The following ERICH3 variants were observed in gnomAD, a reference collection of about 807,000 sequenced individuals.
The protein encoded by ERICH3 is glutamate rich 3.
A neutral mutation model predicts 131.1 loss-of-function variants in ERICH3; 126 were observed. The observed-to-expected ratio is 0.96, with a 90% CI of 0.83 to 1.11. ERICH3 has a LOEUF of 1.11. ERICH3 is among the 50% of genes most tolerant of loss of function. The pLI is 0.00. For synonymous variants in ERICH3, 695 were observed against 644.6 expected, an observed-to-expected ratio of 1.08 and a Z score of -1.18; for missense variants, 2,050 against 1,810.7, an observed-to-expected ratio of 1.13 and a Z score of -2.40.
At chr1:74,671,148 C>T (rs572977112) in intron 1 of ERICH3, among the ~76,000 whole-genome samples, 1 of 151,788 alleles carries the variant, frequency 6.6e-6, no homozygotes, top group African/African-American at 2.4e-5. Flanking sequence ...ATCAGTAGTT[C>T]TGCTTTTGCC....
At chr1:74,669,249 AAACT>A (rs1437050649) in intron 1 of ERICH3, among the ~76,000 whole-genome samples, 3 of 152,178 alleles carry the variant, frequency 2.0e-5, no homozygotes, top group Non-Finnish European at 2.9e-5. Context: ...TAATAAGCCT[AAACT>A]AACAAAAAAT....
chr1:74,642,896 A>G (rs548179896), intron 4 of ERICH3, 131 bp downstream of exon 4: 7 of 630,996 alleles, frequency 1.1e-5, no homozygotes, highest in Non-Finnish European at 1.9e-5. Context: ...GGCTTGGTGA[A>G]CCATCATTGA....
At chr1:74,649,640 G>C (rs1443023467) in intron 1 of ERICH3, among the ~76,000 whole-genome samples, 2 of 152,096 alleles carry the variant, frequency 1.3e-5, no homozygotes, top group Admixed American at 1.3e-4. Flanking sequence ...AGCTCCATTT[G>C]TCAAAAAGGG....
intron 8 of ERICH3, among the ~76,000 whole-genome samples, chr1:74,614,151 A>G (rs1258636816): frequency 2.0e-5 from 3 of 152,134 alleles, no homozygotes; most frequent in Admixed American, 1.3e-4. Context: ...GGTGATGCTG[A>G]TGCTATTGGT....
chr1:74,613,799 A>C (rs537811911), intron 8 of ERICH3, among the ~76,000 whole-genome samples: 4 of 152,130 alleles, frequency 2.6e-5, no homozygotes, highest in Non-Finnish European at 5.9e-5. Context: ...GGGAAACCTT[A>C]TTCTCTGCAG....
In ERICH3 at chr1:74,571,163, C is replaced by A; in HGVS notation, c.4547G>T (p.Gly1516Val). 1 of 1,614,104 alleles carries A rather than the reference C, an allele frequency of 6.2e-7. No individual in the cohort carries two copies. The highest frequency in any genetic ancestry group is 8.5e-7 in the Non-Finnish European group (1 of 1,180,008). Reference protein sequence around the residue: ...TREKQQHMVQGESETADVSPN... With the variant: ...TREKQQHMVQVESETADVSPN... ...GGAAACATCTGCAGTCTCGCTTTCT[C>A]CTTGCACCATATGCTGTTGCTTCTC... is the stretch of plus-strand genomic sequence containing the variant. The change falls in exon 14 of 15, where the codon GGA becomes GTA. Residue 1516 changes from glycine to valine, a missense_variant. Transcript: ENST00000326665.
In ERICH3 at chr1:74,572,127, C is replaced by G. The variant is rs1282343197; in HGVS notation, c.3583G>C (p.Glu1195Gln). 3.1e-6 allele frequency: 5 copies of G among 1,614,108 alleles called. No individual in the cohort carries two copies. Among genetic ancestry groups the G allele is most frequent in the South Asian group, 1.1e-5 (1 of 91,094 alleles). ...GCCCTATTCTCCCTGCTGGACAGCT[C>G]TTCTCTGTCTTTGTGCTCTGTGTCT... ...ARDTEHKDRE[E>Q]LSSRENRALK... Residue 1195 changes from glutamate to glutamine, a missense_variant, in exon 14 of 15, where the codon GAG (glutamate) becomes CAG (glutamine). By Grantham distance (29) the Glu-to-Gln change is conservative. Coordinates refer to ENST00000326665, the MANE Select transcript of ERICH3 (RefSeq NM_001002912.5).
chr1:74,607,763 G>T (rs1376569720), intron 9 of ERICH3, among the ~76,000 whole-genome samples: 2 of 151,786 alleles, frequency 1.3e-5, no homozygotes, highest in Non-Finnish European at 2.9e-5. Flanking sequence ...AAAGTAATAT[G>T]AATAAATTGT....
chr1:74,612,872 C>T, intron 8 of ERICH3, 63 bp from the exon 9 acceptor site: 2 of 1,373,968 alleles, frequency 1.5e-6, no homozygotes, highest in Non-Finnish European at 2.0e-6. Flanking sequence ...TCTGTTAAAT[C>T]ATGTTTTTCT....
chr1:74,573,458 G>T lies in ERICH3; in HGVS notation c.2252C>A (p.Ala751Glu). The change falls in exon 14 of 15, where the codon GCA becomes GAA. Residue 751 changes from alanine to glutamate, a missense_variant. Transcript: ENST00000326665. ...PTMNFMVDET[A>E]AINSNKESQQ... is the part of the protein sequence containing the mutation. ...GGATTCCTTGTTTGAGTTGATTGCTGCTGTTTCATCCACCATGAAATTCAT... is the reference window on the plus strand; with the variant it reads ...GGATTCCTTGTTTGAGTTGATTGCTTCTGTTTCATCCACCATGAAATTCAT... The T allele has an allele frequency of 6.5e-7, 1 of 1,536,748 alleles. No homozygotes were observed. The highest frequency in any genetic ancestry group is 8.7e-7 in the Non-Finnish European group (1 of 1,146,666).
In ERICH3 at chr1:74,599,689, A is replaced by G. The variant is rs779009979; in HGVS notation, c.1726+6T>C. On this transcript the variant is annotated splice_donor_region_variant and intron_variant, in intron 11 of 14. Transcript: ENST00000326665. ...CCTATGTTACATGATAAGCTGAACA[A>G]CTCGCCTTGTTTATCCTCTTCCAGT... 2 of 1,595,614 alleles carry G rather than the reference A, an allele frequency of 1.3e-6. No homozygotes were observed. The highest frequency in any genetic ancestry group is 1.1e-5 in the South Asian group (1 of 88,086).
rs778165106 is a variant in ERICH3, at chr1:74,568,551, G to A, written c.*1907C>T. The A allele has an allele frequency of 6.6e-6, 1 of 152,136 alleles. No individual in the cohort carries two copies. The highest frequency in any genetic ancestry group is 1.5e-5 in the Non-Finnish European group (1 of 67,980). The allele number at this position is 152,136 out of a possible 1,614,324, so 9.4% of individuals were successfully genotyped here. A position where few individuals can be genotyped will look rare whatever the true frequency, so the allele number is the denominator to read the frequency against. The stretch of plus-strand genomic sequence containing the variant: ...AATCTACTCATAAAACTTTAAGACA[G>A]ATGATGGAGATTTATGATGTGCAGT... On this transcript the variant is annotated 3_prime_UTR_variant, in exon 15 of 15. Coordinates refer to ENST00000326665, the MANE Select transcript of ERICH3 (RefSeq NM_001002912.5).
At chr1:74,604,866 T>C (rs1648308075) in intron 10 of ERICH3, among the ~76,000 whole-genome samples, 1 of 151,936 alleles carries the variant, frequency 6.6e-6, no homozygotes, top group Non-Finnish European at 1.5e-5. Context: ...AAATGAGCAT[T>C]GGCTTCATCA....
chr1:74,657,781 G>C (rs929499970), intron 1 of ERICH3, among the ~76,000 whole-genome samples: 3 of 152,096 alleles, frequency 2.0e-5, no homozygotes, highest in Admixed American at 6.6e-5. Context: ...CACTAAGTTT[G>C]ACCAGTTGCA....
chr1:74,572,395 T>G lies in ERICH3; in HGVS notation c.3315A>C (p.Thr1105=). ...CTTCCTCAGCTCTTACTTCTGTCTCTGTTTCCCCTTCTTCCGCTTTAAGTT... is the reference window on the plus strand; with the variant it reads ...CTTCCTCAGCTCTTACTTCTGTCTCGGTTTCCCCTTCTTCCGCTTTAAGTT... ...EQKLKAEEGE[T]ETEVRAEEET... The change falls in exon 14 of 15, where the codon ACA becomes ACC. Residue 1105 remains threonine (T), a synonymous_variant. Coordinates refer to ENST00000326665, the MANE Select transcript of ERICH3 (RefSeq NM_001002912.5). 6.2e-7 allele frequency: 1 copy of G among 1,613,884 alleles called. No individual in the cohort carries two copies.
intron 5 of ERICH3, among the ~76,000 whole-genome samples, chr1:74,640,512 T>C (rs758573846): frequency 2.0e-5 from 3 of 152,164 alleles, no homozygotes; most frequent in Non-Finnish European, 2.9e-5. Flanking sequence ...AAAAAGTACA[T>C]GTTAACAAGG....
At chr1:74,659,885 G>C (rs1570916664) in intron 1 of ERICH3, among the ~76,000 whole-genome samples, 1 of 152,270 alleles carries the variant, frequency 6.6e-6, no homozygotes, top group East Asian at 1.9e-4. Context: ...ATTCTAAGAA[G>C]CAGGGAAATC....
intron 1 of ERICH3, among the ~76,000 whole-genome samples, chr1:74,664,538 T>A (rs1282903538): frequency 1.3e-5 from 2 of 152,296 alleles, no homozygotes; most frequent in South Asian, 2.1e-4. Context: ...GAATGCCAAA[T>A]TAACTGCTAC....
At chr1:74,621,627 G>T (rs1649224782) in intron 7 of ERICH3, 1 of 152,110 alleles carries the variant, frequency 6.6e-6, no homozygotes, top group African/African-American at 2.4e-5. Context: ...AAACCTATTT[G>T]ATATCCTATG....
Sources: gnomAD v4.1 joint callset for allele counts (sites outside exome capture counted in the v4.1 genomes callset) on GRCh38, gnomAD v4.1.1 for gene constraint, MANE v1.5 for transcripts, NCBI Gene and HGNC (gene_info 2026-07-23, HGNC 2026-07-21) for gene names.